The following RANBP17 variants were observed in gnomAD, a reference collection of about 807,000 sequenced individuals.
RANBP17 encodes ran-binding protein 17.
In RANBP17, 158 loss-of-function variants were observed where a neutral mutation model predicts 141.2. The ratio of observed to expected loss-of-function variants is 1.12; its 90% CI spans 0.98 to 1.28. The LOEUF (loss-of-function observed/expected upper bound fraction) is 1.28, where lower values mean the gene tolerates loss of function less well. Ranked by LOEUF, RANBP17 falls within the 50% of genes most tolerant of loss-of-function variation. The pLI is 0.00. For synonymous variants in RANBP17, 430 were observed against 450.0 expected, an observed-to-expected ratio of 0.96 and a Z score of 0.56; for missense variants, 1,438 against 1,290.7, an observed-to-expected ratio of 1.11 and a Z score of -1.75.
intron 22 of RANBP17, among the ~76,000 whole-genome samples, chr5:171,223,408 C>T (rs1341252527): frequency 2.6e-5 from 4 of 152,060 alleles, no homozygotes; most frequent in Admixed American, 6.5e-5. Context: ...CCAGGGCGGG[C>T]GGATCACTTG....
chr5:171,247,415 G>T (rs1765273425), intron 24 of RANBP17, among the ~76,000 whole-genome samples: 1 of 152,114 alleles, frequency 6.6e-6, no homozygotes, highest in African/African-American at 2.4e-5. Flanking sequence ...TCCCAACAAT[G>T]ATATATTTTA....
chr5:171,165,584 A>T (rs1188806454), intron 14 of RANBP17, among the ~76,000 whole-genome samples: 1 of 152,208 alleles, frequency 6.6e-6, no homozygotes, highest in Non-Finnish European at 1.5e-5. Context: ...CAAATGCAGT[A>T]TCTTTGGGAC....
chr5:171,173,340 C>T (rs1333992877), intron 16 of RANBP17, among the ~76,000 whole-genome samples: 3 of 151,888 alleles, frequency 2.0e-5, no homozygotes, highest in Admixed American at 6.6e-5. Context: ...AATAGAAACA[C>T]GCAAGATCAA....
At chr5:170,941,710 G>C (rs1774338297) in intron 12 of RANBP17, among the ~76,000 whole-genome samples, 1 of 152,096 alleles carries the variant, frequency 6.6e-6, no homozygotes, top group South Asian at 2.1e-4. Flanking sequence ...AAAAGAAGTA[G>C]ACCACATGAA....
At position 171,112,973 on chromosome 5, in the gene RANBP17, C is replaced by T. The variant is rs116675419; in HGVS notation, c.1711-57157C>T. ...ATATAAGTTGCCAGAGTCTTGGCTT[C>T]CCCTTTAAAACTTGGGGATAAAAAT... On this transcript the variant is annotated intron_variant, in intron 14 of 27. Transcript: ENST00000523189. 6.5e-3 allele frequency among the ~76,000 whole-genome samples: 987 copies of T among 152,172 alleles called. 11 individuals carry two copies. Among genetic ancestry groups the T allele is most frequent in the African/African-American group, 0.023 (937 of 41,520 alleles).
chr5:171,003,515 G>A (rs1779369787), intron 14 of RANBP17, among the ~76,000 whole-genome samples: 1 of 152,198 alleles, frequency 6.6e-6, no homozygotes, highest in Non-Finnish European at 1.5e-5. Context: ...GTGTTTTTAT[G>A]AAGAATTATG....
At chr5:171,135,279 CAAAAA>C (rs200094154) in intron 14 of RANBP17, among the ~76,000 whole-genome samples, 3 of 55,900 alleles carry the variant, frequency 5.4e-5, no homozygotes, top group Non-Finnish European at 7.6e-5. Flanking sequence ...GACTCCATCT[CAAAAA>C]AAAAAAAAAA....
Position 170,975,599 on chromosome 5 carries a change from A to G in RANBP17, c.1710+7222A>G, listed in dbSNP as rs188127707. Among the ~76,000 whole-genome samples, 4 of 152,328 alleles carry G rather than the reference A, an allele frequency of 2.6e-5. No homozygotes were observed. The East Asian group carries it at 7.7e-4, about 29-fold the overall frequency. On this transcript the variant is annotated intron_variant, in intron 14 of 27. Transcript: ENST00000523189. ...CCTTACAAATTCTTTTTTACAAAAC[A>G]GTAGGACACAAACAATTCTTCTAGG... is the stretch of plus-strand genomic sequence containing the variant.
chr5:171,065,207 C>G (rs913017448), intron 14 of RANBP17, among the ~76,000 whole-genome samples: 1 of 151,806 alleles, frequency 6.6e-6, no homozygotes, highest in African/African-American at 2.4e-5. Flanking sequence ...TACCTTTTTT[C>G]AAATGGCTAT....
At chr5:171,115,026 G>A (rs1334243279) in intron 14 of RANBP17, among the ~76,000 whole-genome samples, 1 of 151,908 alleles carries the variant, frequency 6.6e-6, no homozygotes, top group South Asian at 2.1e-4. Flanking sequence ...ATTGCAGCCC[G>A]GGAGTTCAAG....
chr5:171,245,341 C>A (rs749124445), intron 24 of RANBP17, among the ~76,000 whole-genome samples: 2 of 152,030 alleles, frequency 1.3e-5, no homozygotes, highest in Non-Finnish European at 2.9e-5. Context: ...GGAGACAGAG[C>A]TTCGCTCTTG....
chr5:170,975,481 G>A (rs1177680879), intron 14 of RANBP17, among the ~76,000 whole-genome samples: 1 of 152,168 alleles, frequency 6.6e-6, no homozygotes, highest in Non-Finnish European at 1.5e-5. Context: ...AGCCGAGATT[G>A]CGCCACTGCA....
chr5:171,182,615 C>T (rs775201419), intron 16 of RANBP17, among the ~76,000 whole-genome samples: 1 of 152,128 alleles, frequency 6.6e-6, no homozygotes, highest in Non-Finnish European at 1.5e-5. Flanking sequence ...TATGGAAATG[C>T]CTTTTACGTA....
At chr5:171,071,368 T>C (rs184104127) in intron 14 of RANBP17, among the ~76,000 whole-genome samples, 3 of 152,100 alleles carry the variant, frequency 2.0e-5, no homozygotes, top group Admixed American at 1.3e-4. Context: ...CTAAAACTTA[T>C]GTGGAAAGGC....
intron 16 of RANBP17, among the ~76,000 whole-genome samples, chr5:171,179,125 A>C (rs917443186): frequency 1.3e-5 from 2 of 152,126 alleles, no homozygotes; most frequent in Non-Finnish European, 2.9e-5. Context: ...GGTATTGCCT[A>C]GGTTTTCTTC....
chr5:170,928,789 C>T (rs532310264), intron 12 of RANBP17, among the ~76,000 whole-genome samples: 2 of 149,718 alleles, frequency 1.3e-5, no homozygotes, highest in East Asian at 1.9e-4. Context: ...TTTTCAAAAC[C>T]GTTTGGCTAT....
chr5:170,903,295 C>T (rs186019886), intron 5 of RANBP17, among the ~76,000 whole-genome samples: 246 of 152,316 alleles, frequency 1.6e-3, no homozygotes, highest in African/African-American at 5.0e-3. Context: ...AGGGCAAAAC[C>T]GCCTACTCAA....
At chr5:171,274,167 C>T (rs1473246282) in intron 25 of RANBP17, among the ~76,000 whole-genome samples, 28 of 147,938 alleles carry the variant, frequency 1.9e-4, no homozygotes, top group African/African-American at 6.2e-4. Context: ...CGCGCGCGTG[C>T]GCAAAATCTA....
chr5:170,878,111 G>T lies in RANBP17; in HGVS notation c.33G>T (p.Leu11Phe). Residue 11 changes from leucine (L) to phenylalanine (F), a missense_variant, in exon 2 of 28, where the codon TTG (leucine) becomes TTT (phenylalanine). Leu to Phe is a conservative substitution (Grantham distance 22). Transcript: ENST00000523189. ...TTTCTTTGAAGAGTTTGGCTGAATT[G>T]GAAGTGTTATGTACTCATCTCTACA... MALHFQSLAE[L>F]EVLCTHLYIG... 1.3e-6 allele frequency: 2 copies of T among 1,557,240 alleles called. No homozygotes were observed. The highest frequency in any genetic ancestry group is 1.3e-5 in the South Asian group (1 of 78,648).
Sources: gnomAD v4.1 joint callset for allele counts (sites outside exome capture counted in the v4.1 genomes callset) on GRCh38, gnomAD v4.1.1 for gene constraint, MANE v1.5 for transcripts, NCBI Gene and HGNC (gene_info 2026-07-23, HGNC 2026-07-21) for gene names.